Variants in SLC30A7 observed in about 807,000 individuals in gnomAD.
The protein encoded by SLC30A7 is solute carrier family 30 member 7, also known as zinc transporter 7.
In SLC30A7, 35 loss-of-function variants were observed where a neutral mutation model predicts 46.0. The observed-to-expected ratio is 0.76, with a 90% CI of 0.58 to 1.01. The LOEUF is 1.01. Ranked by LOEUF, SLC30A7 falls within the 50% of genes least tolerant of loss-of-function variation. The pLI, the probability that SLC30A7 is intolerant of heterozygous loss-of-function variation, is 0.00. For synonymous variants in SLC30A7, 147 were observed against 157.8 expected, an observed-to-expected ratio of 0.93 and a Z score of 0.51; for missense variants, 464 against 451.1, an observed-to-expected ratio of 1.03 and a Z score of -0.26.
At chr1:100,946,769 G>A (rs6678917) in intron 8 of SLC30A7, among the ~76,000 whole-genome samples, 3,456 of 152,088 alleles carry the variant, frequency 0.023, 120 homozygotes, top group African/African-American at 0.075. Flanking sequence ...TGTCTCTGCC[G>A]GGCTTTGGTA....
At chr1:100,974,766 T>C in intron 10 of SLC30A7, 44 bp from the exon 11 acceptor site, 3 of 1,499,802 alleles carry the variant, frequency 2.0e-6, no homozygotes, top group Non-Finnish European at 1.8e-6. Context: ...TAGGGTGTTA[T>C]TAGCTTGTTA....
intron 10 of SLC30A7, among the ~76,000 whole-genome samples, chr1:100,971,455 G>A (rs1371527852): frequency 1.3e-5 from 2 of 151,986 alleles, no homozygotes; most frequent in African/African-American, 4.8e-5. Flanking sequence ...GACCTCCTTT[G>A]GAGGTTGGAG....
At chr1:100,915,221 C>CT (rs1448122547) in intron 6 of SLC30A7, among the ~76,000 whole-genome samples, 6 of 66,458 alleles carry the variant, frequency 9.0e-5, no homozygotes, top group Non-Finnish European at 1.3e-4. Flanking sequence ...TTCTTTCTTT[C>CT]TTTCTTTCTT....
In SLC30A7 at chr1:100,896,580, TC is replaced by T; in HGVS notation, c.93del (p.Asp32ThrfsTer13). The T allele has an allele frequency of 6.2e-7, 1 of 1,614,092 alleles. No homozygotes were observed. The highest frequency in any genetic ancestry group is 8.5e-7 in the Non-Finnish European group (1 of 1,179,962). On this transcript the variant is annotated frameshift_variant, in exon 2 of 11. Coordinates refer to ENST00000357650, the MANE Select transcript of SLC30A7 (RefSeq NM_133496.5). LOFTEE classifies it high-confidence loss of function. ...GTGTATCATTCCCAGGTCTATACTG[TC>T]CGACAAGACTTCCCGGAACCTGTTT... Reference protein sequence around the residue: ...KISGWFRSILSDKTSRNLFFF... With the variant: ...KISGWFRSILXDKTSRNLFFF...
chr1:100,901,801 A>G (rs943685622), intron 2 of SLC30A7, among the ~76,000 whole-genome samples: 4 of 152,210 alleles, frequency 2.6e-5, no homozygotes, highest in Non-Finnish European at 5.9e-5. Flanking sequence ...TTACAAATAC[A>G]TTTTAGAGAA....
intron 8 of SLC30A7, chr1:100,940,961 T>G: frequency 2.6e-6 from 1 of 388,854 alleles, no homozygotes; most frequent in Non-Finnish European, 5.1e-6. Context: ...ACCTGTAGTT[T>G]CCCTGTCACT....
At chr1:100,974,561 T>G (rs1656347629) in intron 10 of SLC30A7, among the ~76,000 whole-genome samples, 1 of 152,194 alleles carries the variant, frequency 6.6e-6, no homozygotes, top group African/African-American at 2.4e-5. Context: ...AACTGCATTT[T>G]TCTAAGTATC....
rs916443341 is a variant in SLC30A7 at position 100,978,177 on chromosome 1, T to C, written c.*3320T>C. On this transcript the variant is annotated 3_prime_UTR_variant, in exon 11 of 11. Transcript: ENST00000357650. ...TGAAGGACAGTATCTAGTTTATCTG[T>C]AGGTCAGTGTTCCTTGTGCTGTCAT... 2 of 152,250 alleles carry C rather than the reference T, an allele frequency of 1.3e-5. No individual in the cohort carries two copies. The highest frequency in any genetic ancestry group is 2.9e-5 in the Non-Finnish European group (2 of 68,048). The allele number at this position is 152,250 out of a possible 1,614,324, so 9.4% of individuals were successfully genotyped here.
chr1:100,970,609 A>T (rs1026889056), intron 10 of SLC30A7, among the ~76,000 whole-genome samples: 1 of 146,286 alleles, frequency 6.8e-6, no homozygotes. Flanking sequence ...CCTTGCACTA[A>T]TTTTTTTTTT....
intron 7 of SLC30A7, among the ~76,000 whole-genome samples, chr1:100,919,940 T>G (rs927152117): frequency 7.2e-5 from 11 of 152,108 alleles, no homozygotes; most frequent in African/African-American, 2.7e-4. Flanking sequence ...GTTATCAGTA[T>G]CCTACCACAT....
chr1:100,966,734 GTATAT>G (rs1260474904), intron 10 of SLC30A7, among the ~76,000 whole-genome samples: 1 of 152,090 alleles, frequency 6.6e-6, no homozygotes, highest in Non-Finnish European at 1.5e-5. Context: ...TCAAGAAAAA[GTATAT>G]TATCCTTTAC....
At chr1:100,983,375 C>CAAAAAAAAAAAA (rs779529890), downstream of SLC30A7, among the ~76,000 whole-genome samples, 11 of 76,476 alleles carry the variant, frequency 1.4e-4, no homozygotes, top group African/African-American at 2.9e-4. Flanking sequence ...TACTTTGAGG[C>CAAAAAAAAAAAA]AAAAAAAAAA....
At chr1:100,910,194 C>T (rs917284125) in intron 3 of SLC30A7, among the ~76,000 whole-genome samples, 19 of 152,004 alleles carry the variant, frequency 1.2e-4, no homozygotes, top group South Asian at 4.2e-4. Flanking sequence ...AGGAAAAGCA[C>T]GAGTTTTGAT....
chr1:100,922,535 T>A (rs1023120315), intron 8 of SLC30A7, among the ~76,000 whole-genome samples: 1 of 152,344 alleles, frequency 6.6e-6, no homozygotes, highest in African/African-American at 2.4e-5. Flanking sequence ...GAACCATTTT[T>A]ATTCATAAAG....
rs1396421163 is a variant in SLC30A7, at chr1:100,977,901, A to G, written c.*3044A>G. ...CCTGAGTAACTGGAATTACAGGTGC[A>G]CGCCACCACGCCCGGCTAATTTTTG... is the stretch of plus-strand genomic sequence containing the variant. On this transcript the variant is annotated 3_prime_UTR_variant, in exon 11 of 11. Transcript: ENST00000357650. The G allele has an allele frequency of 6.6e-6, 1 of 152,142 alleles. No individual in the cohort carries two copies. Among genetic ancestry groups the G allele is most frequent in the Admixed American group, 6.5e-5 (1 of 15,280 alleles). 9.4% of individuals were successfully genotyped at this position (152,142 alleles called of 1,614,324 possible). A position where few individuals can be genotyped will look rare whatever the true frequency, so the allele number is the denominator to read the frequency against.
At position 100,896,346 on chromosome 1, in the gene SLC30A7, C is replaced by T. The variant is rs764741414; in HGVS notation, c.80+4C>T. On this transcript the variant is annotated splice_donor_region_variant and intron_variant, in intron 1 of 10. Transcript: ENST00000357650. ...GCAAGATCTCGGGCTGGTTTAGGTG[C>T]GGGGTGCTGTGTTTGCGGGGAGGGG... The T allele has an allele frequency of 3.1e-6, 5 of 1,614,034 alleles. No homozygotes were observed. The highest frequency in any genetic ancestry group is 3.4e-6 in the Non-Finnish European group (4 of 1,179,960).
At chr1:100,956,150 T>C (rs2101077343) in intron 8 of SLC30A7, among the ~76,000 whole-genome samples, 1 of 152,232 alleles carries the variant, frequency 6.6e-6, no homozygotes, top group African/African-American at 2.4e-5. Flanking sequence ...AGTGATGATG[T>C]CTTATAATTT....
rs1277633267 is a variant in SLC30A7 at position 100,974,894 on chromosome 1, A to T, written c.*37A>T. Reference sequence around the variant, plus strand: ...AAATTATGCACCTTTTATGGACCAAATTTTTCTGGTACTGTACGATCCAAA... The same window carrying T: ...AAATTATGCACCTTTTATGGACCAATTTTTTCTGGTACTGTACGATCCAAA... On this transcript the variant is annotated 3_prime_UTR_variant, in exon 11 of 11. Transcript: ENST00000357650. 6.4e-7 allele frequency: 1 copy of T among 1,570,412 alleles called. No individual in the cohort carries two copies. Among genetic ancestry groups the T allele is most frequent in the East Asian group, 2.3e-5 (1 of 44,422 alleles).
rs72734258 is a variant in SLC30A7 at position 100,926,401 on chromosome 1, G to A, written c.842+4560G>A. On this transcript the variant is annotated intron_variant, in intron 8 of 10. Coordinates refer to ENST00000357650, the MANE Select transcript of SLC30A7 (RefSeq NM_133496.5). ...GCCTCAGGAATCTTACAGTCATGGT[G>A]GAAGGTGAAGGCAGAGCAGGCATGT... 5.3e-3 allele frequency among the ~76,000 whole-genome samples: 811 copies of A among 152,206 alleles called. 8 individuals are homozygous for A. The highest frequency in any genetic ancestry group is 0.018 in the African/African-American group (740 of 41,520).
Sources: allele counts gnomAD v4.1 joint callset (sites outside exome capture counted in the v4.1 genomes callset), GRCh38; gene constraint gnomAD v4.1.1; transcripts MANE v1.5; gene names NCBI Gene and HGNC (gene_info 2026-07-23, HGNC 2026-07-21).